Variants in GLB1 observed in about 807,000 individuals in gnomAD.
GLB1 encodes the protein beta-galactosidase.
Under a neutral mutation model 74.0 loss-of-function variants are expected in GLB1, and 56 were observed. The observed-to-expected ratio is 0.76, with a 90% confidence interval of 0.61 to 0.94. The LOEUF is 0.94. GLB1 is among the 40% of genes least tolerant of loss of function. The pLI, the probability that GLB1 is intolerant of heterozygous loss-of-function variation, is 0.00. For synonymous variants in GLB1, 323 were observed against 323.6 expected (o/e 1.00, Z 0.02); for missense variants, 787 against 845.5 (o/e 0.93, Z 0.86).
the GLB1 span, among the ~76,000 whole-genome samples, chr3:32,978,612 G>C: frequency 1.3e-5 from 2 of 152,198 alleles, no homozygotes; most frequent in Admixed American, 1.3e-4. Flanking sequence ...AGCAGTGCCT[G>C]ATGGAGGCCT....
chr3:33,084,235 G>A (rs1700424937), intron 1 of GLB1, among the ~76,000 whole-genome samples: 1 of 152,206 alleles, frequency 6.6e-6, no homozygotes, highest in Non-Finnish European at 1.5e-5. Context: ...ATAGAGGCAA[G>A]GGGAGAGGGA....
downstream of GLB1, among the ~76,000 whole-genome samples, chr3:32,994,673 C>T (rs956729491): frequency 2.0e-5 from 3 of 151,942 alleles, no homozygotes; most frequent in East Asian, 1.9e-4. Context: ...GTAATCCCGG[C>T]GATTTGGGAG....
chr3:33,095,210 C>CAAA lies in GLB1; in HGVS notation c.75+1798_75+1800dup, dbSNP rs71630565. ...TGGGCAAAAGAGCGAGACTCTGTCT[C>CAAA]AAAAAAAAAAAAAAAAAAAAAAAAA... is the stretch of plus-strand genomic sequence containing the variant. On this transcript the variant is annotated intron_variant, in intron 1 of 15. Transcript: ENST00000307363. Among the ~76,000 whole-genome samples the CAAA allele has an allele frequency of 1.0e-3, 77 of 75,894 alleles. 1 individual carries two copies. Among genetic ancestry groups the CAAA allele is most frequent in the African/African-American group, 3.1e-3 (57 of 18,342 alleles). 49.8% of individuals were successfully genotyped at this position (75,894 alleles called of 152,430 possible). A position where few individuals can be genotyped will look rare whatever the true frequency, so the allele number is the denominator to read the frequency against.
chr3:33,061,005 T>TG (rs1355195140), intron 5 of GLB1, among the ~76,000 whole-genome samples: 2 of 152,032 alleles, frequency 1.3e-5, no homozygotes, highest in Non-Finnish European at 2.9e-5. Flanking sequence ...GGGTGAAGGC[T>TG]GGGGGTAGGT....
Position 33,093,634 on chromosome 3 carries a change from G to C in GLB1, c.75+3377C>G. On this transcript the variant is annotated intron_variant, in intron 1 of 15. Transcript: ENST00000307363. The surrounding 1 kb of genome is among the most constrained non-coding windows in gnomAD (Gnocchi z 6.0). ...GGCACCTCCACAGTTTTCACAGCCG[G>C]GGGCTGCGCGGCATTCAGAATCCCG... 1 of 1,614,150 alleles carries C rather than the reference G, an allele frequency of 6.2e-7. No homozygotes were observed. The highest frequency in any genetic ancestry group is 8.5e-7 in the Non-Finnish European group (1 of 1,180,024).
chr3:33,052,715 G>A (rs1559401889), intron 7 of GLB1: 2 of 153,240 alleles, frequency 1.3e-5, no homozygotes, highest in Non-Finnish European at 1.5e-5. Context: ...TAACGAGGAA[G>A]GCTTGTCCCA....
At chr3:33,022,564 A>ATGTTTTTTTTTTTTTTTTTT (rs1697538426) in intron 11 of GLB1, among the ~76,000 whole-genome samples, 5 of 63,744 alleles carry the variant, frequency 7.8e-5, no homozygotes, top group Non-Finnish European at 1.4e-4. Context: ...ACTGGTTAGG[A>ATGTTTTTTTTTTTTTTTTTT]TTTTTTTTTT....
chr3:33,052,360 G>A (rs1248779373), intron 7 of GLB1, among the ~76,000 whole-genome samples: 4 of 152,324 alleles, frequency 2.6e-5, no homozygotes, highest in African/African-American at 7.2e-5. Flanking sequence ...CAGGCCGGGC[G>A]CAGTGGCTCA....
chr3:32,972,266 A>T, the GLB1 span, among the ~76,000 whole-genome samples: 1 of 152,196 alleles, frequency 6.6e-6, no homozygotes, highest in Admixed American at 6.5e-5. Context: ...CAAATGAGGA[A>T]TGTTATATAT....
chr3:33,078,898 C>A (rs149996235), intron 1 of GLB1, among the ~76,000 whole-genome samples: 29 of 152,172 alleles, frequency 1.9e-4, no homozygotes, highest in African/African-American at 6.0e-4. Context: ...GGCTGGAGTG[C>A]AATGGCTCAA....
chr3:33,073,472 G>A (rs940940039), intron 1 of GLB1, among the ~76,000 whole-genome samples: 1 of 152,134 alleles, frequency 6.6e-6, no homozygotes, highest in African/African-American at 2.4e-5. Context: ...TGGATCACCT[G>A]AGGTCAGGAG....
the GLB1 span, among the ~76,000 whole-genome samples, chr3:32,979,297 A>C: frequency 8.5e-5 from 13 of 152,110 alleles, no homozygotes; most frequent in Non-Finnish European, 1.9e-4. Flanking sequence ...TTTCCTAATA[A>C]AGAAAGATTT....
At chr3:32,985,929 C>T in the GLB1 span, among the ~76,000 whole-genome samples, 10 of 152,190 alleles carry the variant, frequency 6.6e-5, no homozygotes, top group Non-Finnish European at 7.3e-5. Context: ...CCAGGCTGGT[C>T]TTGAACTCCT....
intron 10 of GLB1, chr3:33,030,747 C>G (rs1192163183): frequency 2.0e-6 from 2 of 985,328 alleles, no homozygotes; most frequent in Non-Finnish European, 2.4e-6. Context: ...CTCACTACCA[C>G]TTGATTAATT....
intron 15 of GLB1, among the ~76,000 whole-genome samples, chr3:33,005,240 A>G (rs991784855): frequency 2.0e-5 from 3 of 152,194 alleles, no homozygotes; most frequent in Non-Finnish European, 4.4e-5. Context: ...CACTCCTACC[A>G]CTCAGAAAAT....
chr3:33,049,020 C>A (rs950572952), intron 9 of GLB1, among the ~76,000 whole-genome samples: 1 of 152,252 alleles, frequency 6.6e-6, no homozygotes, highest in African/African-American at 2.4e-5. Context: ...TATGTTCTGA[C>A]AGTTTCTATA....
At chr3:33,065,619 C>G (rs747220450) in intron 4 of GLB1, 62 bp from the exon 5 acceptor site, 11 of 1,528,976 alleles carry the variant, frequency 7.2e-6, no homozygotes, top group Non-Finnish European at 8.9e-6. Flanking sequence ...CCACATGCAG[C>G]CCAGGATGGC....
chr3:32,970,714 A>C, the GLB1 span, among the ~76,000 whole-genome samples: 1 of 152,168 alleles, frequency 6.6e-6, no homozygotes. Context: ...GATGACAACC[A>C]GTGGATTAGC....
chr3:33,038,241 A>G (rs537849014), intron 10 of GLB1, among the ~76,000 whole-genome samples: 10 of 152,294 alleles, frequency 6.6e-5, no homozygotes, highest in Non-Finnish European at 1.3e-4. Context: ...CTAGCATTTA[A>G]CACGGAAATT....
Sources: allele counts gnomAD v4.1 joint callset (sites outside exome capture counted in the v4.1 genomes callset), GRCh38; gene constraint gnomAD v4.1.1; non-coding constraint Gnocchi (gnomAD v3.1); transcripts MANE v1.5; gene names NCBI Gene and HGNC (gene_info 2026-07-23, HGNC 2026-07-21).